Variants in KCNQ5 observed in about 807,000 individuals in gnomAD.
KCNQ5 encodes the protein potassium voltage-gated channel subfamily KQT member 5.
A neutral mutation model predicts 98.2 loss-of-function variants in KCNQ5; 30 were observed. The observed-to-expected ratio is 0.31, with a 90% CI of 0.23 to 0.41. The LOEUF is 0.41. KCNQ5 is among the 10% of genes least tolerant of loss of function. The pLI is 1.00. For missense variants in KCNQ5, 835 were observed against 1,182.5 expected, an observed-to-expected ratio of 0.71 and a Z score of 4.31; for synonymous variants, 458 against 449.4, an observed-to-expected ratio of 1.02 and a Z score of -0.24.
intron 2 of KCNQ5, among the ~76,000 whole-genome samples, chr6:73,028,058 T>C (rs760515782): frequency 6.6e-6 from 1 of 152,220 alleles, no homozygotes; most frequent in Non-Finnish European, 1.5e-5. Context: ...TACAATTCTA[T>C]TCCCTGCCTG....
At chr6:72,984,685 G>C (rs540557730) in intron 1 of KCNQ5, among the ~76,000 whole-genome samples, 2 of 152,082 alleles carry the variant, frequency 1.3e-5, no homozygotes, top group Non-Finnish European at 2.9e-5. Flanking sequence ...GCAATACCCC[G>C]CCCTGCTTCA....
chr6:73,057,912 A>G (rs1419522033), intron 3 of KCNQ5, among the ~76,000 whole-genome samples: 1 of 152,232 alleles, frequency 6.6e-6, no homozygotes, highest in Non-Finnish European at 1.5e-5. Context: ...AGACCAATGG[A>G]ACAGAAGAGA....
At chr6:72,958,175 A>G (rs1337858042) in intron 1 of KCNQ5, among the ~76,000 whole-genome samples, 4 of 152,140 alleles carry the variant, frequency 2.6e-5, no homozygotes, top group Non-Finnish European at 5.9e-5. Flanking sequence ...CAAACTGCCC[A>G]TTACAAGAGA....
chr6:72,925,479 A>T (rs563557994), intron 1 of KCNQ5, among the ~76,000 whole-genome samples: 1 of 152,348 alleles, frequency 6.6e-6, no homozygotes, highest in South Asian at 2.1e-4. Context: ...ATGCATTCAA[A>T]TATTTCTTAA....
intron 1 of KCNQ5, among the ~76,000 whole-genome samples, chr6:72,667,869 C>G (rs1582081698): frequency 6.6e-6 from 1 of 152,058 alleles, no homozygotes; most frequent in Non-Finnish European, 1.5e-5. Context: ...TACAAAATAA[C>G]TGACCAATAA....
chr6:73,146,134 A>T (rs1338979480), intron 10 of KCNQ5, among the ~76,000 whole-genome samples: 1 of 152,174 alleles, frequency 6.6e-6, no homozygotes, highest in Non-Finnish European at 1.5e-5. Flanking sequence ...AACAATATAG[A>T]TTTGTGATTC....
At chr6:73,008,541 G>A (rs971111157) in intron 2 of KCNQ5, among the ~76,000 whole-genome samples, 2 of 152,030 alleles carry the variant, frequency 1.3e-5, no homozygotes, top group Admixed American at 6.6e-5. Context: ...TTAATAAAAG[G>A]TTTAATACAA....
chr6:72,751,338 A>G (rs564179488), intron 1 of KCNQ5, among the ~76,000 whole-genome samples: 58 of 152,152 alleles, frequency 3.8e-4, no homozygotes, highest in Middle Eastern at 3.4e-3. Flanking sequence ...ATAAGAAAAT[A>G]AGAGATGAAA....
chr6:73,136,191 A>G (rs753932986), intron 10 of KCNQ5: 3 of 152,190 alleles, frequency 2.0e-5, no homozygotes, highest in African/African-American at 7.2e-5. Context: ...ACATATTGCA[A>G]TGGATCCATA....
At chr6:72,795,447 T>C (rs1774278678) in intron 1 of KCNQ5, among the ~76,000 whole-genome samples, 1 of 152,168 alleles carries the variant, frequency 6.6e-6, no homozygotes, top group Non-Finnish European at 1.5e-5. Flanking sequence ...ATTTTAATTT[T>C]GTACATATCC....
chr6:72,979,641 A>T (rs1312775942), intron 1 of KCNQ5, among the ~76,000 whole-genome samples: 1 of 152,044 alleles, frequency 6.6e-6, no homozygotes, highest in African/African-American at 2.4e-5. Context: ...GTTCACTCTG[A>T]TGGTAGTTTC....
In KCNQ5 at chr6:73,105,310, A is replaced by G. The variant is rs138701359; in HGVS notation, c.972A>G (p.Gly324=). Residue 324 remains glycine, a synonymous_variant, in exon 6 of 14, where the codon GGA becomes GGG. Transcript: ENST00000370398. ...YGDKTPLTWL[G]RLLSAGFALL... is the part of the protein sequence containing the mutation. ...ACAAAACTCCCCTAACTTGGCTGGG[A>G]AGATTGCTTTCTGCAGGCTTTGCAC... is the stretch of plus-strand genomic sequence containing the variant. 3.1e-3 allele frequency: 5,050 copies of G among 1,612,844 alleles called. 16 individuals carry two copies. The highest frequency in any genetic ancestry group is 3.9e-3 in the Non-Finnish European group (4,616 of 1,179,304).
intron 1 of KCNQ5, among the ~76,000 whole-genome samples, chr6:72,760,754 G>A (rs928715971): frequency 2.0e-5 from 3 of 152,024 alleles, no homozygotes; most frequent in Non-Finnish European, 4.4e-5. Context: ...TGTCAAAACT[G>A]ATGAATCAAA....
rs1222376134 is a variant in KCNQ5 at position 73,197,577 on chromosome 6, GCATACACACA to G, written c.*2166_*2175del. On this transcript the variant is annotated 3_prime_UTR_variant, in exon 14 of 14. Coordinates refer to ENST00000370398, the MANE Select transcript of KCNQ5 (RefSeq NM_019842.4). ...TGTGATTCCCCCTTGCAAGAATGTT[GCATACACACA>G]CACACACACACACACACACACACAC... 4.7e-5 allele frequency: 5 copies of G among 106,934 alleles called. No homozygotes were observed. Among genetic ancestry groups the G allele is most frequent in the African/African-American group, 1.8e-4 (5 of 28,362 alleles). 6.6% of individuals were successfully genotyped at this position (106,934 alleles called of 1,614,324 possible). A position where few individuals can be genotyped will look rare whatever the true frequency, so the allele number is the denominator to read the frequency against.
intron 11 of KCNQ5, among the ~76,000 whole-genome samples, chr6:73,183,648 C>T (rs1302445588): frequency 6.6e-6 from 1 of 152,152 alleles, no homozygotes; most frequent in East Asian, 1.9e-4. Flanking sequence ...CTCAGAGATG[C>T]TTTCTCAAAC....
chr6:73,072,043 G>A (rs1325522145), intron 3 of KCNQ5, among the ~76,000 whole-genome samples: 2 of 152,164 alleles, frequency 1.3e-5, no homozygotes, highest in Admixed American at 1.3e-4. Context: ...GGGAGAGGGG[G>A]ATATAAACAT....
chr6:72,936,696 T>C (rs1765934439), intron 1 of KCNQ5, among the ~76,000 whole-genome samples: 2 of 152,260 alleles, frequency 1.3e-5, no homozygotes, highest in Admixed American at 1.3e-4. Context: ...AATTCAGTTA[T>C]CTGATTTTTA....
intron 1 of KCNQ5, among the ~76,000 whole-genome samples, chr6:72,903,183 C>T (rs1779575546): frequency 6.6e-6 from 1 of 152,104 alleles, no homozygotes; most frequent in African/African-American, 2.4e-5. Context: ...TTAATATCTC[C>T]CATTTCATTT....
chr6:73,196,116 A>G lies in KCNQ5; in HGVS notation c.*702A>G, dbSNP rs1439782333. On this transcript the variant is annotated 3_prime_UTR_variant, in exon 14 of 14. Transcript: ENST00000370398. ...CAGTGAGGCAAATAGACTATCTGAC[A>G]TATTTGACTTTATGAAAACATATTG... 1 of 152,596 alleles carries G rather than the reference A, an allele frequency of 6.6e-6. No homozygotes were observed. The highest frequency in any genetic ancestry group is 2.4e-5 in the African/African-American group (1 of 41,464). The allele number at this position is 152,596 out of a possible 1,614,324, so 9.5% of individuals were successfully genotyped here.
Sources: gnomAD v4.1 joint callset for allele counts (sites outside exome capture counted in the v4.1 genomes callset) on GRCh38, gnomAD v4.1.1 for gene constraint, MANE v1.5 for transcripts, NCBI Gene and HGNC (gene_info 2026-07-23, HGNC 2026-07-21) for gene names.